Variants in LGR6 observed in about 807,000 individuals in gnomAD.
LGR6 encodes leucine rich repeat containing G protein-coupled receptor 6.
Under a neutral mutation model 69.4 loss-of-function variants are expected in LGR6, and 45 were observed. That is an observed-to-expected ratio of 0.65 (90% CI 0.51 to 0.83). LGR6 has a LOEUF of 0.83. Among genes scored for constraint, LGR6 ranks in the 40% least tolerant of loss-of-function variants. The pLI, the probability that LGR6 is intolerant of heterozygous loss-of-function variation, is 0.00. For synonymous variants in LGR6, 538 were observed against 555.0 expected (o/e 0.97, Z 0.43); for missense variants, 1,108 against 1,246.7 (o/e 0.89, Z 1.68).
At chr1:202,274,605 G>A (rs1037208952) in intron 4 of LGR6, among the ~76,000 whole-genome samples, 1 of 152,206 alleles carries the variant, frequency 6.6e-6, no homozygotes, top group African/African-American at 2.4e-5. Flanking sequence ...TGGGAGTCAG[G>A]TTAAAATCCA....
rs189556723 is a variant in LGR6, at chr1:202,262,617, A to G, written c.429-13689A>G. Among the ~76,000 whole-genome samples, 149 of 152,280 alleles carry G rather than the reference A, an allele frequency of 9.8e-4. 1 individual carries two copies. The highest frequency in any genetic ancestry group is 1.6e-3 in the Non-Finnish European group (110 of 68,010). On this transcript the variant is annotated intron_variant, in intron 4 of 17. Transcript: ENST00000367278. ...GTAATGTTTTCTTTCAGTTACAGCT[A>G]TCATGTGCTTCTGCTCCATTCACTC...
intron 1 of LGR6, among the ~76,000 whole-genome samples, chr1:202,212,167 G>A (rs1303939026): frequency 6.6e-6 from 1 of 152,192 alleles, no homozygotes; most frequent in Non-Finnish European, 1.5e-5. Context: ...ATGTGTGTCT[G>A]TTGGTTAAGT....
At chr1:202,204,643 AC>A (rs1659016703) in intron 1 of LGR6, among the ~76,000 whole-genome samples, 1 of 27,224 alleles carries the variant, frequency 3.7e-5, no homozygotes. Context: ...ACACCTCCAA[AC>A]ACACACACAC....
At chr1:202,252,652 A>C (rs945842962) in intron 4 of LGR6, among the ~76,000 whole-genome samples, 1 of 152,224 alleles carries the variant, frequency 6.6e-6, no homozygotes, top group Non-Finnish European at 1.5e-5. Context: ...GGGCACTGAC[A>C]ATACATAGCC....
intron 1 of LGR6, among the ~76,000 whole-genome samples, chr1:202,220,682 G>C (rs1660091982): frequency 6.6e-6 from 1 of 152,046 alleles, no homozygotes; most frequent in African/African-American, 2.4e-5. Context: ...CATGGTAAGT[G>C]CTCAGTAAGC....
At position 202,204,360 on chromosome 1, in the gene LGR6, AC is replaced by A. The variant is rs1423158968; in HGVS notation, c.212+10160del. 5.9e-3 allele frequency among the ~76,000 whole-genome samples: 624 copies of A among 106,332 alleles called. 12 individuals are homozygous for A. The highest frequency in any genetic ancestry group is 0.017 in the East Asian group (57 of 3,282). The allele number at this position is 106,332 out of a possible 152,430, so 69.8% of individuals were successfully genotyped here. On this transcript the variant is annotated intron_variant, in intron 1 of 17. Coordinates refer to ENST00000367278, the MANE Select transcript of LGR6 (RefSeq NM_001017403.2). The stretch of plus-strand genomic sequence containing the variant: ...CACACCTCCACACACACACACCTCC[AC>A]ACACACACACCTCCACACACACACC...
At chr1:202,262,370 C>T (rs1187906628) in intron 4 of LGR6, among the ~76,000 whole-genome samples, 1 of 152,044 alleles carries the variant, frequency 6.6e-6, no homozygotes, top group Non-Finnish European at 1.5e-5. Flanking sequence ...GCTTGTTTTT[C>T]TCAGGTTTGT....
At chr1:202,203,494 C>G (rs930053820) in intron 1 of LGR6, among the ~76,000 whole-genome samples, 2 of 152,192 alleles carry the variant, frequency 1.3e-5, no homozygotes, top group African/African-American at 4.8e-5. Flanking sequence ...TTGTTAATAA[C>G]CAATGATAGT....
chr1:202,206,639 C>G (rs560799508), intron 1 of LGR6, among the ~76,000 whole-genome samples: 1 of 151,634 alleles, frequency 6.6e-6, no homozygotes, highest in Admixed American at 6.6e-5. Context: ...AGCCTCAACT[C>G]CCTGGGCTCA....
intron 1 of LGR6, among the ~76,000 whole-genome samples, chr1:202,217,538 C>T (rs1172501208): frequency 3.9e-5 from 6 of 152,206 alleles, no homozygotes; most frequent in Non-Finnish European, 8.8e-5. Flanking sequence ...CCCTCCCAGC[C>T]CCACCTGAAT....
In LGR6 at chr1:202,318,023, C is replaced by T. The variant is rs201729165; in HGVS notation, c.1720C>T (p.Leu574Phe). The T allele has an allele frequency of 2.6e-5, 42 of 1,614,116 alleles. No individual in the cohort carries two copies. In the East Asian group the frequency reaches 4.7e-4, roughly 18 times the overall value. Reference sequence around the variant, plus strand: ...CCTGGCCGTGTGGGCCATCGTGTTGCTCTCCGTGCTCTGCAATGGACTGGT... The same window carrying T: ...CCTGGCCGTGTGGGCCATCGTGTTGTTCTCCGTGCTCTGCAATGGACTGGT... ...IRLAVWAIVL[L>F]SVLCNGLVLL... The change falls in exon 18 of 18, where the codon CTC (leucine) becomes TTC (phenylalanine). Residue 574 changes from leucine (L) to phenylalanine (F), a missense_variant. Transcript: ENST00000367278.
chr1:202,288,333 A>G (rs964515275), intron 6 of LGR6, among the ~76,000 whole-genome samples: 1 of 152,154 alleles, frequency 6.6e-6, no homozygotes, highest in African/African-American at 2.4e-5. Context: ...GCAATCTGAT[A>G]TCCTAATAAT....
In LGR6 at chr1:202,194,062, G is replaced by GC. The variant is rs1187392722; in HGVS notation, c.79dup (p.Gln27ProfsTer28). On this transcript the variant is annotated frameshift_variant, in exon 1 of 18. Transcript: ENST00000367278. LOFTEE classifies it high-confidence loss of function. ...GTGCGCTTCCCGGAGGGCCGGCGGC[G>GC]CCCCCCAGCCCGGCCCGGGGCCCAC... 9 of 1,401,334 alleles carry GC rather than the reference G, an allele frequency of 6.4e-6. No homozygotes were observed. Among genetic ancestry groups the GC allele is most frequent in the Non-Finnish European group, 8.3e-6 (9 of 1,085,390 alleles). The allele number at this position is 1,401,334 out of a possible 1,614,324, so 86.8% of individuals were successfully genotyped here.
intron 6 of LGR6, among the ~76,000 whole-genome samples, chr1:202,288,883 C>T (rs186558584): frequency 6.2e-4 from 94 of 152,364 alleles, no homozygotes; most frequent in African/African-American, 2.1e-3. Flanking sequence ...TGGTCAGGAA[C>T]ACCTCAGAGC....
At chr1:202,285,580 A>T (rs191597410) in intron 6 of LGR6, among the ~76,000 whole-genome samples, 1 of 152,322 alleles carries the variant, frequency 6.6e-6, no homozygotes, top group East Asian at 1.9e-4. Flanking sequence ...TGCCTGGAAC[A>T]TTATAGGTGC....
intron 3 of LGR6, among the ~76,000 whole-genome samples, chr1:202,229,796 C>T (rs1382399831): frequency 1.3e-5 from 2 of 152,158 alleles, no homozygotes; most frequent in African/African-American, 4.8e-5. Flanking sequence ...ATCACCTGGT[C>T]CCCCAAAGCC....
At chr1:202,204,358 C>CCA (rs760626582) in intron 1 of LGR6, among the ~76,000 whole-genome samples, 3 of 110,732 alleles carry the variant, frequency 2.7e-5, no homozygotes, top group Non-Finnish European at 5.6e-5. Flanking sequence ...ACACACACCT[C>CCA]CACACACACA....
chr1:202,230,076 T>G (rs1253214548), intron 3 of LGR6, among the ~76,000 whole-genome samples: 2 of 152,200 alleles, frequency 1.3e-5, no homozygotes, highest in Non-Finnish European at 2.9e-5. Flanking sequence ...CCCAGTCTTC[T>G]CTGGGCCTGG....
intron 2 of LGR6, among the ~76,000 whole-genome samples, chr1:202,227,379 C>T (rs1330845951): frequency 2.0e-5 from 3 of 152,092 alleles, no homozygotes; most frequent in African/African-American, 4.8e-5. Flanking sequence ...GTGATTGCCC[C>T]GATAAACATG....
Sources: allele counts gnomAD v4.1 joint callset (sites outside exome capture counted in the v4.1 genomes callset), GRCh38; gene constraint gnomAD v4.1.1; transcripts MANE v1.5; gene names NCBI Gene and HGNC (gene_info 2026-07-23, HGNC 2026-07-21).